Variants in SOX5 observed in about 807,000 individuals in gnomAD.
SOX5 encodes the protein transcription factor SOX-5.
A neutral mutation model predicts 92.0 loss-of-function variants in SOX5; 9 were observed. That is an observed-to-expected ratio of 0.10 (90% CI 0.06 to 0.17). SOX5 has a LOEUF of 0.17. SOX5 is among the 10% of genes least tolerant of loss of function. The probability of loss-of-function intolerance (pLI) is 1.00; values close to 1 mark genes in which losing one functional copy is unlikely to be tolerated. For missense variants in SOX5, 642 were observed against 944.5 expected (o/e 0.68, Z 4.20); for synonymous variants, 344 against 336.3 (o/e 1.02, Z -0.25).
At chr12:24,209,825 T>C (rs1009991870) in intron 4 of SOX5, among the ~76,000 whole-genome samples, 11 of 151,488 alleles carry the variant, frequency 7.3e-5, no homozygotes, top group Admixed American at 2.6e-4. Context: ...GAGACCATCC[T>C]GGCTAAAACG....
rs191037419 is a variant in SOX5, at chr12:23,779,462, G to C, written c.482-23738C>G. On this transcript the variant is annotated intron_variant, in intron 3 of 14. Transcript: ENST00000451604. Reference sequence around the variant, plus strand: ...AAGCAGCAGGAAAATGCTAATAAATGTTAATACACATATTCAAAAATAACC... The same window carrying C: ...AAGCAGCAGGAAAATGCTAATAAATCTTAATACACATATTCAAAAATAACC... Among the ~76,000 whole-genome samples, 3 of 150,644 alleles carry C rather than the reference G, an allele frequency of 2.0e-5. No individual in the cohort carries two copies. In the Admixed American group the frequency reaches 2.0e-4, roughly 10 times the overall value.
At chr12:23,662,697 A>G (rs1241850021) in intron 7 of SOX5, among the ~76,000 whole-genome samples, 2 of 151,890 alleles carry the variant, frequency 1.3e-5, no homozygotes, top group Non-Finnish European at 2.9e-5. Flanking sequence ...CTGTGTTTCT[A>G]TTTTTTTTCC....
At chr12:23,877,835 C>T (rs2096944374) in intron 2 of SOX5, among the ~76,000 whole-genome samples, 1 of 151,982 alleles carries the variant, frequency 6.6e-6, no homozygotes, top group Non-Finnish European at 1.5e-5. Flanking sequence ...TCCATAACTA[C>T]AATAACATTA....
chr12:23,786,942 G>C (rs1320608446), intron 3 of SOX5, among the ~76,000 whole-genome samples: 2 of 145,494 alleles, frequency 1.4e-5, no homozygotes, highest in Non-Finnish European at 1.5e-5. Context: ...GAAATGAAAA[G>C]TTTACTGTGA....
chr12:23,949,740 CTCTCTCTCTCTCCCTCTCTCTCTCTG>C (rs1945247377), upstream of SOX5: 2 of 1,085,810 alleles, frequency 1.8e-6, no homozygotes, highest in Non-Finnish European at 2.6e-6. Context: ...CCCTCTCTCT[CTCTCTCTCTCTCCCTCTCTCTCTCTG>C]TCTCTCTCTC....
intron 6 of SOX5, among the ~76,000 whole-genome samples, chr12:23,681,464 T>C (rs1233201796): frequency 1.3e-5 from 2 of 151,690 alleles, no homozygotes; most frequent in African/African-American, 4.8e-5. Context: ...ACCAAGAGAT[T>C]GAATATTTTT....
chr12:24,367,523 G>A (rs1410200856), intron 2 of SOX5, among the ~76,000 whole-genome samples: 4 of 152,160 alleles, frequency 2.6e-5, no homozygotes, highest in Admixed American at 6.5e-5. Context: ...CCTTTCATTT[G>A]TAAATTTATA....
intron 4 of SOX5, among the ~76,000 whole-genome samples, chr12:24,016,555 T>C (rs1953634150): frequency 6.6e-6 from 1 of 151,720 alleles, no homozygotes; most frequent in African/African-American, 2.4e-5. Context: ...AGGTAACAAG[T>C]AGGACAGATT....
At chr12:23,572,940 G>A (rs1176683182) in intron 10 of SOX5, among the ~76,000 whole-genome samples, 2 of 152,052 alleles carry the variant, frequency 1.3e-5, no homozygotes, top group African/African-American at 4.8e-5. Flanking sequence ...AAATAATCTG[G>A]AATTCTTCTT....
At chr12:23,625,624 G>A (rs149286114) in intron 8 of SOX5, among the ~76,000 whole-genome samples, 3 of 152,086 alleles carry the variant, frequency 2.0e-5, no homozygotes, top group Admixed American at 2.0e-4. Flanking sequence ...GTTTTTTGTT[G>A]TTTGAGACTA....
At chr12:23,772,498 TTAAAA>T (rs1477141549) in intron 3 of SOX5, among the ~76,000 whole-genome samples, 12 of 152,340 alleles carry the variant, frequency 7.9e-5, no homozygotes, top group Middle Eastern at 3.4e-3. Flanking sequence ...TTATCTGTAA[TTAAAA>T]TAAAAGAAAA....
intron 4 of SOX5, among the ~76,000 whole-genome samples, chr12:24,173,635 GA>G (rs71445991): frequency 0.053 from 8,093 of 152,190 alleles, 230 homozygotes; most frequent in African/African-American, 0.074. Context: ...TGGGTGCACA[GA>G]AAAAAATTGC....
At chr12:24,234,788 C>T (rs1325529279) in intron 3 of SOX5, among the ~76,000 whole-genome samples, 2 of 152,114 alleles carry the variant, frequency 1.3e-5, no homozygotes, top group Admixed American at 6.6e-5. Context: ...AGTGATGGTT[C>T]TCATTAGGGG....
At chr12:23,976,406 C>CAAAAAAAAAAAAAAAAAAAAA (rs869250917) in intron 4 of SOX5, among the ~76,000 whole-genome samples, 9 of 37,872 alleles carry the variant, frequency 2.4e-4, no homozygotes, top group African/African-American at 4.4e-4. Context: ...AACAAAAAAA[C>CAAAAAAAAAAAAAAAAAAAAA]AAAAAAAAAA....
chr12:24,120,237 A>G (rs889345549), intron 4 of SOX5, among the ~76,000 whole-genome samples: 3 of 152,160 alleles, frequency 2.0e-5, no homozygotes, highest in African/African-American at 7.2e-5. Flanking sequence ...TTTAGTATAT[A>G]CTGCTGAACG....
At chr12:24,137,392 G>C (rs1950201311) in intron 4 of SOX5, among the ~76,000 whole-genome samples, 1 of 152,104 alleles carries the variant, frequency 6.6e-6, no homozygotes, top group Non-Finnish European at 1.5e-5. Flanking sequence ...TAGCACTTTG[G>C]GAGGCCGAGG....
chr12:23,837,269 TA>T (rs1568203729), intron 3 of SOX5, among the ~76,000 whole-genome samples: 1 of 71,118 alleles, frequency 1.4e-5, no homozygotes, highest in African/African-American at 4.1e-5. Flanking sequence ...ATATAATATA[TA>T]ATATGTATTT....
chr12:24,446,528 A>T (rs563857962), intron 1 of SOX5, among the ~76,000 whole-genome samples: 3 of 152,376 alleles, frequency 2.0e-5, no homozygotes, highest in African/African-American at 7.2e-5. Flanking sequence ...GATCAGAGAG[A>T]TGAGCAAGAA....
At chr12:24,447,031 T>C (rs78477219) in intron 1 of SOX5, among the ~76,000 whole-genome samples, 2,378 of 152,292 alleles carry the variant, frequency 0.016, 45 homozygotes, top group East Asian at 0.051. Context: ...AAATTAGTGA[T>C]TGAATTGATC....
Sources: allele counts gnomAD v4.1 joint callset (sites outside exome capture counted in the v4.1 genomes callset), GRCh38; gene constraint gnomAD v4.1.1; transcripts MANE v1.5; gene names NCBI Gene and HGNC (gene_info 2026-07-23, HGNC 2026-07-21).